IGF1R: variants seen among roughly 807,000 people sequenced by gnomAD.
The protein encoded by IGF1R is insulin like growth factor 1 receptor.
Under a neutral mutation model 144.6 loss-of-function variants are expected in IGF1R, and 44 were observed. That is an observed-to-expected ratio of 0.30 (90% CI 0.24 to 0.39). The LOEUF (loss-of-function observed/expected upper bound fraction) is 0.39. Among genes scored for constraint, IGF1R ranks in the 10% least tolerant of loss-of-function variants. IGF1R has a pLI of 1.00. For missense variants in IGF1R, 1,355 were observed against 1,833.7 expected, an observed-to-expected ratio of 0.74 and a Z score of 4.77; for synonymous variants, 795 against 722.8, an observed-to-expected ratio of 1.10 and a Z score of -1.60.
intron 1 of IGF1R, among the ~76,000 whole-genome samples, chr15:98,677,074 ACTGGTATGCGCCACCATGC>A (rs2053066186): frequency 1.3e-5 from 2 of 152,172 alleles, no homozygotes; most frequent in South Asian, 4.2e-4. Flanking sequence ...AGCTGGGACT[ACTGGTATGCGCCACCATGC>A]CTGGCTAAGT....
At position 98,957,543 on chromosome 15, in the gene IGF1R, C is replaced by G; in HGVS notation, c.*101C>G. 1 of 1,472,590 alleles carries G rather than the reference C, an allele frequency of 6.8e-7. No individual in the cohort carries two copies. Among genetic ancestry groups the G allele is most frequent in the Non-Finnish European group, 9.4e-7 (1 of 1,063,428 alleles). The allele number at this position is 1,472,590 out of a possible 1,614,324, so 91.2% of individuals were successfully genotyped here. ...ACAATCCATTCACAAGCCTCCTGTA[C>G]CTCAGTGGATCTTCAGAACTGCCCT... On this transcript the variant is annotated 3_prime_UTR_variant, in exon 21 of 21. Coordinates refer to ENST00000650285, the MANE Select transcript of IGF1R (RefSeq NM_000875.5).
chr15:98,882,190 G>A (rs1290261792), intron 2 of IGF1R, among the ~76,000 whole-genome samples: 1 of 152,366 alleles, frequency 6.6e-6, no homozygotes, highest in Middle Eastern at 3.4e-3. Context: ...AAGATGTTCA[G>A]AGGGAAGCCG....
chr15:98,734,382 T>C (rs970271487), intron 2 of IGF1R, among the ~76,000 whole-genome samples: 55 of 152,216 alleles, frequency 3.6e-4, no homozygotes, highest in African/African-American at 1.3e-3. Context: ...TCTTAATATT[T>C]CTCATGCCTA....
intron 1 of IGF1R, among the ~76,000 whole-genome samples, chr15:98,650,217 G>A (rs1013314871): frequency 6.6e-6 from 1 of 152,160 alleles, no homozygotes; most frequent in Non-Finnish European, 1.5e-5. Flanking sequence ...CCTGCGGAGA[G>A]GCCCCGAAGC....
rs887905011 is a variant in IGF1R at position 98,778,291 on chromosome 15, C to T, written c.640+70184C>T. On this transcript the variant is annotated intron_variant, in intron 2 of 20. Transcript: ENST00000650285. ...AAGCTTTGAGGCATGTTCTATCTGTCTTTGTGGGCATCATCTTCATTATTT... is the reference window on the plus strand; with the variant it reads ...AAGCTTTGAGGCATGTTCTATCTGTTTTTGTGGGCATCATCTTCATTATTT... Among the ~76,000 whole-genome samples, 22 of 152,158 alleles carry T rather than the reference C, an allele frequency of 1.4e-4. 1 individual carries two copies. Among genetic ancestry groups the T allele is most frequent in the Non-Finnish European group, 2.4e-4 (16 of 68,024 alleles).
intron 2 of IGF1R, among the ~76,000 whole-genome samples, chr15:98,807,591 T>C (rs1007968856): frequency 1.3e-5 from 2 of 152,234 alleles, no homozygotes; most frequent in Non-Finnish European, 2.9e-5. Context: ...TGTGCTGCCA[T>C]TTTTGAGACT....
chr15:98,708,072 A>G lies in IGF1R; in HGVS notation c.605A>G (p.Asn202Ser), dbSNP rs145668206. ...AAGACCACCATCAACAATGAGTACA[A>G]CTACCGCTGCTGGACCACAAACCGC... ...CEKTTINNEY[N>S]YRCWTTNRCQ... The change falls in exon 2 of 21, where the codon AAC (asparagine) becomes AGC (serine). Residue 202 changes from asparagine to serine, a missense_variant. Physicochemically the swap from Asn to Ser is conservative, Grantham distance 46. Coordinates refer to ENST00000650285, the MANE Select transcript of IGF1R (RefSeq NM_000875.5). 7.4e-5 allele frequency: 119 copies of G among 1,613,686 alleles called. No homozygotes were observed. The highest frequency in any genetic ancestry group is 5.0e-5 in the Admixed American group (3 of 60,008).
Position 98,733,932 on chromosome 15 carries a change from C to T in IGF1R, c.640+25825C>T, listed in dbSNP as rs182809236. 1.9e-4 allele frequency among the ~76,000 whole-genome samples: 29 copies of T among 152,264 alleles called. No homozygotes were observed. The East Asian group carries it at 5.0e-3, about 26-fold the overall frequency. ...GATCTACTAACAGCCAGGGCCATAA[C>T]AGGAGCTGATATTACATACCCCGGA... On this transcript the variant is annotated intron_variant, in intron 2 of 20. Transcript: ENST00000650285.
intron 1 of IGF1R, among the ~76,000 whole-genome samples, chr15:98,693,457 C>T (rs1204557852): frequency 2.0e-5 from 3 of 152,216 alleles, no homozygotes; most frequent in East Asian, 3.9e-4. Flanking sequence ...GCCCTGCCTC[C>T]TGCTGCAGAA....
intron 2 of IGF1R, among the ~76,000 whole-genome samples, chr15:98,752,020 G>A (rs1249298480): frequency 6.6e-6 from 1 of 152,094 alleles, no homozygotes. Flanking sequence ...CGGGAATTAG[G>A]GCATCAGGCT....
intron 4 of IGF1R, among the ~76,000 whole-genome samples, chr15:98,898,136 C>T (rs1448840898): frequency 6.6e-6 from 1 of 152,190 alleles, no homozygotes; most frequent in Non-Finnish European, 1.5e-5. Context: ...CTCTGTTCCC[C>T]ACAACTAGGG....
intron 2 of IGF1R, among the ~76,000 whole-genome samples, chr15:98,801,306 TGTG>T (rs1414524661): frequency 6.6e-6 from 1 of 152,218 alleles, no homozygotes; most frequent in African/African-American, 2.4e-5. Flanking sequence ...GCCCCATTGT[TGTG>T]GCCACCAAAA....
At chr15:98,736,614 T>C (rs1055167953) in intron 2 of IGF1R, among the ~76,000 whole-genome samples, 7 of 141,198 alleles carry the variant, frequency 5.0e-5, no homozygotes, top group East Asian at 2.0e-4. Flanking sequence ...TTTTTTCTTT[T>C]TTCTTTTTTT....
chr15:98,783,323 C>T (rs1274517569), intron 2 of IGF1R, among the ~76,000 whole-genome samples: 1 of 152,190 alleles, frequency 6.6e-6, no homozygotes, highest in African/African-American at 2.4e-5. Context: ...TCTCCTCTCT[C>T]CTTCATGCCT....
chr15:98,689,360 T>G (rs1391136231), intron 1 of IGF1R, among the ~76,000 whole-genome samples: 2 of 148,684 alleles, frequency 1.3e-5, no homozygotes, highest in Admixed American at 1.4e-4. Context: ...TGCCTCAGCC[T>G]CCCAAGTAGC....
intron 13 of IGF1R, among the ~76,000 whole-genome samples, chr15:98,927,272 T>G (rs1414467666): frequency 6.6e-6 from 1 of 152,216 alleles, no homozygotes; most frequent in African/African-American, 2.4e-5. Context: ...CTGCTACAGT[T>G]TAGTCTCATT....
At chr15:98,688,745 G>A (rs1450912517) in intron 1 of IGF1R, among the ~76,000 whole-genome samples, 2 of 152,134 alleles carry the variant, frequency 1.3e-5, no homozygotes, top group Non-Finnish European at 2.9e-5. Flanking sequence ...AGGCCCCATA[G>A]ATGGGGTTCA....
intron 1 of IGF1R, among the ~76,000 whole-genome samples, chr15:98,679,918 T>C (rs2053146036): frequency 6.6e-6 from 1 of 151,876 alleles, no homozygotes; most frequent in Admixed American, 6.6e-5. Context: ...TGTGTTTGTG[T>C]CTTAGCTTTT....
intron 1 of IGF1R, among the ~76,000 whole-genome samples, chr15:98,663,613 G>C (rs1173999458): frequency 6.6e-6 from 1 of 152,180 alleles, no homozygotes; most frequent in Non-Finnish European, 1.5e-5. Flanking sequence ...TTCGTTTGCT[G>C]GGGCACTGCT....
Sources: allele counts gnomAD v4.1 joint callset (sites outside exome capture counted in the v4.1 genomes callset), GRCh38; gene constraint gnomAD v4.1.1; transcripts MANE v1.5; gene names NCBI Gene and HGNC (gene_info 2026-07-23, HGNC 2026-07-21).